The following RIC1 variants were observed in gnomAD, a reference collection of about 807,000 sequenced individuals.
RIC1 encodes the protein RIC1 partner of RAB6A GEF complex, also known as guanine nucleotide exchange factor subunit RIC1.
Under a neutral mutation model 169.0 loss-of-function variants are expected in RIC1, and 88 were observed. That is an observed-to-expected ratio of 0.52 (90% CI 0.44 to 0.62). The LOEUF (loss-of-function observed/expected upper bound fraction) is 0.62. Ranked by LOEUF, RIC1 falls within the 20% of genes least tolerant of loss-of-function variation. The pLI is 0.00. For synonymous variants in RIC1, 790 were observed against 601.5 expected, an observed-to-expected ratio of 1.31 and a Z score of -4.59; for missense variants, 1,877 against 1,725.5, an observed-to-expected ratio of 1.09 and a Z score of -1.56.
At chr9:5,720,925 G>GA (rs1399750457) in intron 6 of RIC1, among the ~76,000 whole-genome samples, 175 bp downstream of exon 6, 2 of 152,110 alleles carry the variant, frequency 1.3e-5, no homozygotes, top group Non-Finnish European at 2.9e-5. Flanking sequence ...ACATGTTAAA[G>GA]AAAAATAATG....
intron 2 of RIC1, among the ~76,000 whole-genome samples, chr9:5,677,685 T>C (rs977446702): frequency 2.6e-5 from 4 of 152,046 alleles, no homozygotes; most frequent in Non-Finnish European, 5.9e-5. Context: ...TATTTTATGT[T>C]CATCTCAATT....
intron 2 of RIC1, among the ~76,000 whole-genome samples, chr9:5,670,351 T>C (rs1330652594): frequency 6.6e-6 from 1 of 152,184 alleles, no homozygotes; most frequent in Non-Finnish European, 1.5e-5. Context: ...TGAATGCTCT[T>C]AGGGGAAAAA....
chr9:5,745,892 A>G (rs1825346319), intron 10 of RIC1, 39 bp from the exon 11 acceptor site: 1 of 1,574,688 alleles, frequency 6.4e-7, no homozygotes, highest in African/African-American at 1.4e-5. Context: ...AAAGCCTTTT[A>G]TTGCTCTGAC....
At chr9:5,756,639 AT>A (rs61235982) in intron 16 of RIC1, among the ~76,000 whole-genome samples, 62,913 of 151,804 alleles carry the variant, frequency 0.41, 13,435 homozygotes, top group East Asian at 0.59. Flanking sequence ...TAGATACTAA[AT>A]TTTTTTTCAC....
intron 4 of RIC1, among the ~76,000 whole-genome samples, chr9:5,715,073 GA>G (rs1823150735): frequency 6.6e-6 from 1 of 152,252 alleles, no homozygotes; most frequent in South Asian, 2.1e-4. Flanking sequence ...TATTCTCATA[GA>G]AAAGAACACA....
rs1826014347 is a variant in RIC1 at position 5,756,351 on chromosome 9, G to A, written c.1832G>A (p.Ser611Asn). Residue 611 changes from serine (S) to asparagine (N), a missense_variant, in exon 16 of 26, where the codon AGT (serine) becomes AAT (asparagine). Transcript: ENST00000414202. ...FRADCSICLY[S>N]IERKSDGPNT... ...GCAGACTGTTCAATATGCCTTTACA[G>A]TATTGAAAGAAAATCTGATGGGTAA... 1.3e-6 allele frequency: 2 copies of A among 1,517,288 alleles called. No homozygotes were observed. Among genetic ancestry groups the A allele is most frequent in the Admixed American group, 1.9e-5 (1 of 52,820 alleles). The allele number at this position is 1,517,288 out of a possible 1,614,324, so 94.0% of individuals were successfully genotyped here.
At position 5,770,185 on chromosome 9, in the gene RIC1, A is replaced by C; in HGVS notation, c.3523A>C (p.Ser1175Arg). ...CATCCAGCGAAGTCAGAGCTGGCTC[A>C]GCAACATTGGCCCCACCCATCATGA... ...SNIQRSQSWLSNIGPTHHEID... is the reference protein window; with the variant it reads ...SNIQRSQSWLRNIGPTHHEID... Residue 1175 changes from serine (S) to arginine (R), a missense_variant, in exon 23 of 26, where the codon AGC becomes CGC. By Grantham distance (110) the Ser-to-Arg change is moderately radical. Transcript: ENST00000414202. 1.2e-6 allele frequency: 2 copies of C among 1,614,042 alleles called. No homozygotes were observed. Among genetic ancestry groups the C allele is most frequent in the Middle Eastern group, 1.7e-4 (1 of 6,060 alleles).
intron 1 of RIC1, among the ~76,000 whole-genome samples, chr9:5,650,049 C>T (rs1397352453): frequency 2.0e-5 from 3 of 152,228 alleles, no homozygotes. Flanking sequence ...CTAGGTAGGC[C>T]AGTCCTTGGG....
At chr9:5,704,187 A>T (rs1822412953) in intron 3 of RIC1, among the ~76,000 whole-genome samples, 1 of 151,914 alleles carries the variant, frequency 6.6e-6, no homozygotes, top group African/African-American at 2.4e-5. Flanking sequence ...CTCTAGATAA[A>T]TATCTATTCA....
At chr9:5,649,089 T>A (rs1446905757) in intron 1 of RIC1, among the ~76,000 whole-genome samples, 2 of 152,056 alleles carry the variant, frequency 1.3e-5, no homozygotes, top group Non-Finnish European at 2.9e-5. Flanking sequence ...GAGCTATGAT[T>A]GTGCCACTTC....
chr9:5,758,732 T>A lies in RIC1; in HGVS notation c.1992+1281T>A, dbSNP rs549214659. Among the ~76,000 whole-genome samples the A allele has an allele frequency of 1.7e-4, 25 of 151,054 alleles. No individual in the cohort carries two copies. In the South Asian group the frequency reaches 5.2e-3, roughly 32 times the overall value. ...ATCTTGGTCTCCCTTCTTTTTTTTT[T>A]TTTTTTTTTGTCCTTTTTTCTTTTT... On this transcript the variant is annotated intron_variant, in intron 17 of 25. Transcript: ENST00000414202.
At chr9:5,684,825 A>G (rs1234301841) in intron 2 of RIC1, among the ~76,000 whole-genome samples, 3 of 152,212 alleles carry the variant, frequency 2.0e-5, no homozygotes, top group Middle Eastern at 3.2e-3. Context: ...TCATCCAGAT[A>G]TGGAAGTTTC....
At chr9:5,701,260 G>T (rs1297020359) in intron 3 of RIC1, among the ~76,000 whole-genome samples, 2 of 151,952 alleles carry the variant, frequency 1.3e-5, no homozygotes, top group Non-Finnish European at 2.9e-5. Flanking sequence ...CTTTTTTATG[G>T]GCATCTATAT....
At position 5,654,268 on chromosome 9, in the gene RIC1, T is replaced by C. The variant is rs565136640; in HGVS notation, c.145-2315T>C. Among the ~76,000 whole-genome samples the C allele has an allele frequency of 2.0e-5, 3 of 151,774 alleles. No homozygotes were observed. The South Asian group carries it at 6.2e-4, about 32-fold the overall frequency. On this transcript the variant is annotated intron_variant, in intron 1 of 25. Transcript: ENST00000414202. ...TTGTTTGGTTTCTTTTTTTTGGAGGTAGAGTCTCACTCTTGCTACCCAGGC... is the reference window on the plus strand; with the variant it reads ...TTGTTTGGTTTCTTTTTTTTGGAGGCAGAGTCTCACTCTTGCTACCCAGGC...
chr9:5,691,302 A>T (rs1244236055), intron 3 of RIC1, among the ~76,000 whole-genome samples: 1 of 151,964 alleles, frequency 6.6e-6, no homozygotes, highest in Non-Finnish European at 1.5e-5. Context: ...TACAGTACAA[A>T]TATTTATAGT....
intron 22 of RIC1, chr9:5,769,479 C>T (rs1156583176): frequency 2.8e-6 from 4 of 1,436,244 alleles, no homozygotes; most frequent in Non-Finnish European, 3.6e-6. Flanking sequence ...AAGTCTAATT[C>T]AAAAATCTAA....
Position 5,716,229 on chromosome 9 carries a change from T to C in RIC1, c.440+2226T>C, listed in dbSNP as rs376152515. On this transcript the variant is annotated intron_variant, in intron 4 of 25. Transcript: ENST00000414202. ...CTCATAAAATTAATGAAGTCAATGA[T>C]TGAAGAGGCTCTCTAAGGATATAAC... Among the ~76,000 whole-genome samples the C allele has an allele frequency of 1.8e-4, 27 of 152,306 alleles. 1 individual carries two copies. The East Asian group carries it at 2.9e-3, about 16-fold the overall frequency.
intron 17 of RIC1, 71 bp from the exon 18 acceptor site, chr9:5,762,470 G>T (rs1204394375): frequency 3.8e-6 from 6 of 1,568,852 alleles, no homozygotes; most frequent in Non-Finnish European, 3.5e-6. Context: ...TAAACCTTAT[G>T]GATTGGGGGG....
At chr9:5,659,816 T>C (rs981027725) in intron 2 of RIC1, among the ~76,000 whole-genome samples, 1 of 152,224 alleles carries the variant, frequency 6.6e-6, no homozygotes, top group Non-Finnish European at 1.5e-5. Flanking sequence ...AGTTGTTCAT[T>C]CCAAGTGTGT....
Sources: gnomAD v4.1 joint callset for allele counts (sites outside exome capture counted in the v4.1 genomes callset) on GRCh38, gnomAD v4.1.1 for gene constraint, MANE v1.5 for transcripts, NCBI Gene and HGNC (gene_info 2026-07-23, HGNC 2026-07-21) for gene names.